Variants in PPARGC1B observed in about 807,000 individuals in gnomAD.
PPARGC1B encodes peroxisome proliferator-activated receptor gamma coactivator 1-beta.
In PPARGC1B, 34 loss-of-function variants were observed where a neutral mutation model predicts 101.6. The ratio of observed to expected loss-of-function variants is 0.33; its 90% CI spans 0.25 to 0.45. The LOEUF (loss-of-function observed/expected upper bound fraction) is 0.45. Ranked by LOEUF, PPARGC1B falls within the 20% of genes least tolerant of loss-of-function variation. PPARGC1B has a pLI of 1.00. For missense variants in PPARGC1B, 1,234 were observed against 1,317.6 expected (o/e 0.94, Z 0.98); for synonymous variants, 548 against 539.3 (o/e 1.02, Z -0.22).
chr5:149,790,138 G>T (rs1756962006), intron 1 of PPARGC1B, among the ~76,000 whole-genome samples: 1 of 152,200 alleles, frequency 6.6e-6, no homozygotes, highest in Non-Finnish European at 1.5e-5. Flanking sequence ...TGGGGAATAA[G>T]TGGGATAACT....
At chr5:149,744,796 T>A (rs549445084) in intron 1 of PPARGC1B, among the ~76,000 whole-genome samples, 1 of 152,224 alleles carries the variant, frequency 6.6e-6, no homozygotes, top group Non-Finnish European at 1.5e-5. Flanking sequence ...ACAAAGAGTT[T>A]GTAGCTCGGC....
downstream of PPARGC1B, among the ~76,000 whole-genome samples, chr5:149,857,579 A>C (rs1419109007): frequency 6.6e-6 from 1 of 152,208 alleles, no homozygotes; most frequent in East Asian, 1.9e-4. Flanking sequence ...AGGGCAGAAC[A>C]TCTAGTTTGG....
intron 8 of PPARGC1B, among the ~76,000 whole-genome samples, chr5:149,838,756 A>G (rs902848552): frequency 8.5e-5 from 13 of 152,128 alleles, no homozygotes; most frequent in Non-Finnish European, 1.5e-4. Context: ...TCTGCTCACT[A>G]CAGAAACTTA....
intron 1 of PPARGC1B, among the ~76,000 whole-genome samples, chr5:149,766,264 A>G (rs1263048621): frequency 6.6e-6 from 1 of 152,266 alleles, no homozygotes; most frequent in Non-Finnish European, 1.5e-5. Flanking sequence ...ACCAGGAAGA[A>G]CAGGCTAAAA....
Position 149,832,817 on chromosome 5 carries a change from G to T in PPARGC1B, c.744G>T (p.Lys248Asn). ...CCCGGCTCCCTGCCAAGGAGGACAA[G>T]GAGCCGGGTGAGGACTGCCCGAGCC... ...QSPRLPAKEDKEPGEDCPSPQ... is the reference protein window; with the variant it reads ...QSPRLPAKEDNEPGEDCPSPQ... The change falls in exon 5 of 12, where the codon AAG becomes AAT. Residue 248 changes from lysine (K) to asparagine (N), a missense_variant. Transcript: ENST00000309241. The surrounding 1 kb of genome is among the most constrained non-coding windows in gnomAD (Gnocchi z 4.9). The T allele has an allele frequency of 6.2e-7, 1 of 1,611,670 alleles. No homozygotes were observed. Among genetic ancestry groups the T allele is most frequent in the South Asian group, 1.1e-5 (1 of 90,870 alleles).
chr5:149,787,347 C>T (rs1038675877), intron 1 of PPARGC1B, among the ~76,000 whole-genome samples: 4 of 152,182 alleles, frequency 2.6e-5, no homozygotes, highest in Non-Finnish European at 5.9e-5. Context: ...CACTGACCCA[C>T]GAGAGCTGGG....
At position 149,795,787 on chromosome 5, in the gene PPARGC1B, G is replaced by T. The variant is rs576491072; in HGVS notation, c.79-24646G>T. The stretch of plus-strand genomic sequence containing the variant: ...CTGCTGTTTGGGGATGATGGTGGGG[G>T]CAGGGGGGGATGATTATCTTTTTTT... On this transcript the variant is annotated intron_variant, in intron 1 of 11. Coordinates refer to ENST00000309241, the MANE Select transcript of PPARGC1B (RefSeq NM_133263.4). 1.3e-4 allele frequency among the ~76,000 whole-genome samples: 18 copies of T among 140,550 alleles called. No homozygotes were observed. The South Asian group carries it at 3.6e-3, about 28-fold the overall frequency. The allele number at this position is 140,550 out of a possible 152,430, so 92.2% of individuals were successfully genotyped here. A position where few individuals can be genotyped will look rare whatever the true frequency, so the allele number is the denominator to read the frequency against.
intron 1 of PPARGC1B, among the ~76,000 whole-genome samples, chr5:149,804,665 G>A (rs1163037172): frequency 6.6e-6 from 1 of 152,174 alleles, no homozygotes; most frequent in Admixed American, 6.5e-5. Flanking sequence ...GTGAGACGCT[G>A]TCTCAAAAAA....
chr5:149,807,417 C>G (rs1757641778), intron 1 of PPARGC1B, among the ~76,000 whole-genome samples: 1 of 152,030 alleles, frequency 6.6e-6, no homozygotes, highest in Non-Finnish European at 1.5e-5. Flanking sequence ...GTGGTCGCCC[C>G]TTCAGCCGTG....
intron 1 of PPARGC1B, among the ~76,000 whole-genome samples, chr5:149,803,050 G>GGGGC (rs1757483180): frequency 6.6e-6 from 1 of 152,150 alleles, no homozygotes; most frequent in Non-Finnish European, 1.5e-5. Flanking sequence ...AATTGCTGAT[G>GGGGC]GGGCACCTGA....
rs113481568 is a variant in PPARGC1B at position 149,783,416 on chromosome 5, C to T, written c.79-37017C>T. The stretch of plus-strand genomic sequence containing the variant: ...GGGATTCTTTTGACCTTTTTGGGTC[C>T]TTAGTTCCTCATCTGTGAAATGGAG... On this transcript the variant is annotated intron_variant, in intron 1 of 11. Transcript: ENST00000309241. 2.5e-4 allele frequency among the ~76,000 whole-genome samples: 38 copies of T among 152,266 alleles called. 1 individual carries two copies. The highest frequency in any genetic ancestry group is 8.9e-4 in the African/African-American group (37 of 41,540).
intron 10 of PPARGC1B, among the ~76,000 whole-genome samples, chr5:149,845,210 C>G (rs530881886): frequency 6.6e-6 from 1 of 152,262 alleles, no homozygotes; most frequent in East Asian, 1.9e-4. Context: ...GTGCAGAAGA[C>G]CAGCCCTACT....
chr5:149,754,961 T>C (rs979309520), intron 1 of PPARGC1B, among the ~76,000 whole-genome samples: 5 of 149,116 alleles, frequency 3.4e-5, no homozygotes, highest in Non-Finnish European at 7.4e-5. Flanking sequence ...TTTGTATATA[T>C]ATATGTAAAC....
chr5:149,733,084 C>T (rs1010374994), intron 1 of PPARGC1B, among the ~76,000 whole-genome samples: 1 of 152,212 alleles, frequency 6.6e-6, no homozygotes, highest in African/African-American at 2.4e-5. Context: ...TCTCCTCCCC[C>T]AAACTTTCCC....
intron 1 of PPARGC1B, among the ~76,000 whole-genome samples, chr5:149,804,554 C>T (rs1757531704): frequency 6.6e-6 from 1 of 152,210 alleles, no homozygotes; most frequent in Non-Finnish European, 1.5e-5. Flanking sequence ...TGCCTGTAGT[C>T]CCAGCTACTC....
intron 1 of PPARGC1B, among the ~76,000 whole-genome samples, chr5:149,743,955 G>C (rs1338821429): frequency 6.6e-6 from 1 of 152,136 alleles, no homozygotes; most frequent in Non-Finnish European, 1.5e-5. Context: ...GGAGGTGTCT[G>C]GTCAGATGTC....
intron 1 of PPARGC1B, chr5:149,732,911 C>T (rs1754557790): frequency 2.3e-6 from 1 of 426,030 alleles, no homozygotes; most frequent in Non-Finnish European, 5.0e-6. Context: ...ACCTTCCCCA[C>T]TCTCTGGCTG....
chr5:149,802,302 T>C (rs1341891502), intron 1 of PPARGC1B, among the ~76,000 whole-genome samples: 1 of 152,238 alleles, frequency 6.6e-6, no homozygotes, highest in African/African-American at 2.4e-5. Context: ...TGCTGGCTTC[T>C]GGCAGCACTC....
chr5:149,758,600 G>T (rs911414853), intron 1 of PPARGC1B, among the ~76,000 whole-genome samples: 3 of 152,210 alleles, frequency 2.0e-5, no homozygotes, highest in Admixed American at 1.3e-4. Flanking sequence ...TGCCCCAGCA[G>T]GTGCCATCTT....
Sources: gnomAD v4.1 joint callset for allele counts (sites outside exome capture counted in the v4.1 genomes callset) on GRCh38, gnomAD v4.1.1 for gene constraint, Gnocchi (gnomAD v3.1) non-coding constraint, MANE v1.5 for transcripts, NCBI Gene and HGNC (gene_info 2026-07-23, HGNC 2026-07-21) for gene names.